Variants in MARK4 observed in about 807,000 individuals in gnomAD.
MARK4 encodes the protein MAP/microtubule affinity-regulating kinase 4.
A neutral mutation model predicts 81.5 loss-of-function variants in MARK4; 19 were observed. That is an observed-to-expected ratio of 0.23 (90% CI 0.16 to 0.34). The LOEUF (loss-of-function observed/expected upper bound fraction) is 0.34, where lower values mean the gene tolerates loss of function less well. Among genes scored for constraint, MARK4 ranks in the 10% least tolerant of loss-of-function variants. The pLI is 1.00. For missense variants in MARK4, 772 were observed against 1,058.8 expected (o/e 0.73, Z 3.76); for synonymous variants, 436 against 439.0 (o/e 0.99, Z 0.08).
In MARK4 at chr19:45,291,607, C is replaced by G. The variant is rs150169625; in HGVS notation, c.1495-2742C>G. ...ACCATCCTGGCTAACACGGTGAAAC[C>G]CCATCTCTACTAAAAATACAAAAAA... is the stretch of plus-strand genomic sequence containing the variant. On this transcript the variant is annotated intron_variant, in intron 13 of 16. Transcript: ENST00000262891. Among the ~76,000 whole-genome samples the G allele has an allele frequency of 3.9e-3, 591 of 152,226 alleles. 6 individuals carry two copies. The highest frequency in any genetic ancestry group is 0.021 in the South Asian group (103 of 4,814).
At chr19:45,272,091 G>A (rs1970535418) in intron 8 of MARK4, among the ~76,000 whole-genome samples, 1 of 152,156 alleles carries the variant, frequency 6.6e-6, no homozygotes, top group Admixed American at 6.6e-5. Context: ...CAGCACTTTG[G>A]GAGGCGGAGG....
At chr19:45,294,308 T>G in intron 13 of MARK4, 41 bp from the exon 14 acceptor site, 2 of 1,583,130 alleles carry the variant, frequency 1.3e-6, no homozygotes, top group Non-Finnish European at 1.7e-6. Flanking sequence ...CAGGGGCATG[T>G]CTTCACCCCC....
intron 13 of MARK4, among the ~76,000 whole-genome samples, chr19:45,293,113 C>CA (rs1380109325): frequency 1.3e-5 from 2 of 151,942 alleles, no homozygotes; most frequent in Admixed American, 6.6e-5. Context: ...ACCAAAAATA[C>CA]AAAAAATTAG....
intron 1 of MARK4, among the ~76,000 whole-genome samples, chr19:45,257,340 A>G (rs1424562033): frequency 6.7e-6 from 1 of 150,254 alleles, no homozygotes; most frequent in Admixed American, 6.6e-5. Context: ...ATTATTGCAC[A>G]CTCAGTAGAC....
At chr19:45,253,148 G>A (rs981670103) in intron 1 of MARK4, among the ~76,000 whole-genome samples, 11 of 151,468 alleles carry the variant, frequency 7.3e-5, no homozygotes, top group African/African-American at 9.7e-5. Flanking sequence ...CCAGGTCCCT[G>A]TTCCCCTTCC....
At chr19:45,282,695 G>A (rs1413293187) in intron 12 of MARK4, among the ~76,000 whole-genome samples, 1 of 151,832 alleles carries the variant, frequency 6.6e-6, no homozygotes, top group African/African-American at 2.4e-5. Context: ...CATGGTGGCG[G>A]GCACCTGTAA....
At chr19:45,268,030 G>A (rs1970478272) in intron 7 of MARK4, among the ~76,000 whole-genome samples, 1 of 151,744 alleles carries the variant, frequency 6.6e-6, no homozygotes, top group Non-Finnish European at 1.5e-5. Flanking sequence ...TCCTGACCTT[G>A]GGTGATCTGC....
intron 7 of MARK4, among the ~76,000 whole-genome samples, chr19:45,269,461 T>A (rs1970497422): frequency 6.6e-6 from 1 of 152,088 alleles, no homozygotes; most frequent in African/African-American, 2.4e-5. Flanking sequence ...CTGTGGTGTG[T>A]CTTTGTAGGG....
intron 6 of MARK4, 68 bp downstream of exon 6, chr19:45,264,978 G>C: frequency 6.5e-7 from 1 of 1,531,426 alleles, no homozygotes; most frequent in South Asian, 1.1e-5. Flanking sequence ...TGAGAGCTGG[G>C]CATGGTCTGG....
At chr19:45,270,404 C>T (rs939265044) in intron 7 of MARK4, among the ~76,000 whole-genome samples, 1 of 152,122 alleles carries the variant, frequency 6.6e-6, no homozygotes, top group African/African-American at 2.4e-5. Context: ...GAGCCCAGTG[C>T]ATGGTAGATA....
At chr19:45,268,842 A>G (rs529293236) in intron 7 of MARK4, among the ~76,000 whole-genome samples, 101 of 152,310 alleles carry the variant, frequency 6.6e-4, no homozygotes, top group African/African-American at 2.4e-3. Flanking sequence ...ATAGAGGTTC[A>G]AGTGCTAACC....
rs762512606 is a variant in MARK4, at chr19:45,302,649, C to T, written c.2198C>T (p.Ala733Val). The T allele has an allele frequency of 1.5e-5, 23 of 1,539,424 alleles. No homozygotes were observed. The highest frequency in any genetic ancestry group is 1.9e-5 in the Non-Finnish European group (22 of 1,148,620). ...CGGGGAGTTCTCTTCCGCCGTGTGG[C>T]GGGCACCGCCCTGGCCTTCCGCACC... ...GLRGVLFRRVAGTALAFRTLV... is the reference protein window; with the variant it reads ...GLRGVLFRRVVGTALAFRTLV... Residue 733 changes from alanine to valine, a missense_variant, in exon 17 of 17, where the codon GCG becomes GTG. Physicochemically the swap from Ala to Val is moderately conservative, Grantham distance 64 (BLOSUM62 0). Transcript: ENST00000262891. The surrounding 1 kb of genome is among the most constrained non-coding windows in gnomAD (Gnocchi z 4.9).
At chr19:45,289,954 C>T (rs751009745) in intron 13 of MARK4, among the ~76,000 whole-genome samples, 2 of 151,406 alleles carry the variant, frequency 1.3e-5, no homozygotes, top group South Asian at 2.1e-4. Context: ...AAAATTAGTC[C>T]GGTGTGGTGG....
intron 1 of MARK4, among the ~76,000 whole-genome samples, chr19:45,253,192 C>CA (rs564171116): frequency 0.22 from 32,410 of 147,952 alleles, 3,807 homozygotes; most frequent in Non-Finnish European, 0.27. Context: ...GACCCCCCCA[C>CA]ACACACACAC....
At chr19:45,294,222 A>T in intron 13 of MARK4, 127 bp from the exon 14 acceptor site, 3 of 803,422 alleles carry the variant, frequency 3.7e-6, no homozygotes, top group Non-Finnish European at 6.1e-6. Flanking sequence ...ACCATCTCCT[A>T]CTCACCCTGG....
At chr19:45,281,827 A>G (rs892708187) in intron 12 of MARK4, among the ~76,000 whole-genome samples, 1 of 152,140 alleles carries the variant, frequency 6.6e-6, no homozygotes, top group African/African-American at 2.4e-5. Context: ...TTGCCTCCAC[A>G]CTGAAGTAAA....
intron 15 of MARK4, among the ~76,000 whole-genome samples, chr19:45,298,460 T>C (rs555784043): frequency 1.1e-4 from 16 of 152,342 alleles, no homozygotes; most frequent in Non-Finnish European, 2.2e-4. Flanking sequence ...TTTCCTCTTC[T>C]GTAAAATGGG....
At chr19:45,261,792 G>C (rs992683187) in intron 2 of MARK4, among the ~76,000 whole-genome samples, 4 of 152,050 alleles carry the variant, frequency 2.6e-5, no homozygotes, top group Non-Finnish European at 5.9e-5. Flanking sequence ...AATTAGCCAG[G>C]CATGGTGACG....
chr19:45,275,132 G>T (rs1300600641), intron 8 of MARK4, among the ~76,000 whole-genome samples: 2 of 152,202 alleles, frequency 1.3e-5, no homozygotes, highest in East Asian at 3.9e-4. Flanking sequence ...GTGGCGGCAC[G>T]TGCCTGTAGT....
Sources: gnomAD v4.1 joint callset for allele counts (sites outside exome capture counted in the v4.1 genomes callset) on GRCh38, gnomAD v4.1.1 for gene constraint, Gnocchi (gnomAD v3.1) non-coding constraint, MANE v1.5 for transcripts, NCBI Gene and HGNC (gene_info 2026-07-23, HGNC 2026-07-21) for gene names.